The following NIPBL variants were observed in gnomAD, a reference collection of about 807,000 sequenced individuals.
NIPBL encodes the protein nipped-B-like protein.
In NIPBL, 19 loss-of-function variants were observed where a neutral mutation model predicts 321.8. That is an observed-to-expected ratio of 0.06 (90% CI 0.04 to 0.09). The LOEUF (loss-of-function observed/expected upper bound fraction) is 0.09, where lower values mean the gene tolerates loss of function less well. Among genes scored for constraint, NIPBL ranks in the 10% least tolerant of loss-of-function variants. The probability of loss-of-function intolerance (pLI) is 1.00; values close to 1 mark genes in which losing one functional copy is unlikely to be tolerated. For synonymous variants in NIPBL, 1,106 were observed against 1,114.1 expected, an observed-to-expected ratio of 0.99 and a Z score of 0.14; for missense variants, 2,210 against 3,327.0, an observed-to-expected ratio of 0.66 and a Z score of 8.26.
At chr5:37,027,603 GT>G (rs781358128) in intron 32 of NIPBL, among the ~76,000 whole-genome samples, 191 bp downstream of exon 32, 2,741 of 69,628 alleles carry the variant, frequency 0.039, 18 homozygotes, top group African/African-American at 0.13. Flanking sequence ...CCTGGTTGTG[GT>G]TTTTTTTTTT....
intron 45 of NIPBL, among the ~76,000 whole-genome samples, chr5:37,061,753 T>C (rs1343867489): frequency 1.3e-5 from 2 of 152,258 alleles, no homozygotes; most frequent in African/African-American, 2.4e-5. Context: ...AAGTCATTTC[T>C]AGATTACTTA....
chr5:36,889,841 T>C (rs962314994), intron 1 of NIPBL, among the ~76,000 whole-genome samples: 1 of 152,104 alleles, frequency 6.6e-6, no homozygotes, highest in Non-Finnish European at 1.5e-5. Flanking sequence ...CTGTGGAATT[T>C]AGAACTTAAA....
chr5:36,877,274 T>G, intron 1 of NIPBL, 96 bp downstream of exon 1: 1 of 159,450 alleles, frequency 6.3e-6, no homozygotes, highest in Non-Finnish European at 1.4e-5. Flanking sequence ...GCCGTTTCCT[T>G]AGCGGCCCCA....
At chr5:37,046,525 T>C (rs1752997831) in intron 38 of NIPBL, among the ~76,000 whole-genome samples, 1 of 152,240 alleles carries the variant, frequency 6.6e-6, no homozygotes, top group Admixed American at 6.5e-5. Flanking sequence ...AAAAATAATA[T>C]AGAAGAATTC....
chr5:36,977,599 T>G (rs147180956), intron 9 of NIPBL, among the ~76,000 whole-genome samples: 2,070 of 151,230 alleles, frequency 0.014, 52 homozygotes, highest in Admixed American at 0.059. Flanking sequence ...TTTTTTTCTT[T>G]GTCTTTTTTT....
chr5:37,044,419 C>G lies in NIPBL; in HGVS notation c.6181C>G (p.Pro2061Ala), dbSNP rs772003089. 1 of 1,613,858 alleles carries G rather than the reference C, an allele frequency of 6.2e-7. No homozygotes were observed. The highest frequency in any genetic ancestry group is 2.2e-5 in the East Asian group (1 of 44,834). ...LELVVPLMEH[P>A]SETFLATIEE... ...GCTAGTTGTACCACTGATGGAGCAT[C>G]CAAGTGAAACTTTTCTTGCCACTAT... is the stretch of plus-strand genomic sequence containing the variant. Residue 2061 changes from proline (P) to alanine (A), a missense_variant, in exon 35 of 47, where the codon CCA (proline) becomes GCA (alanine). Physicochemically the swap from Pro to Ala is conservative, Grantham distance 27. Coordinates refer to ENST00000282516, the MANE Select transcript of NIPBL (RefSeq NM_133433.4).
At chr5:36,936,226 A>G (rs1442979308) in intron 1 of NIPBL, among the ~76,000 whole-genome samples, 1 of 152,186 alleles carries the variant, frequency 6.6e-6, no homozygotes, top group African/African-American at 2.4e-5. Context: ...TTTTCATCCA[A>G]TAATCATAAT....
intron 40 of NIPBL, chr5:37,051,415 A>C (rs1413888886): frequency 4.5e-6 from 1 of 224,714 alleles, no homozygotes; most frequent in Non-Finnish European, 8.7e-6. Flanking sequence ...GCCCTATATT[A>C]TCTTTACAAG....
intron 1 of NIPBL, among the ~76,000 whole-genome samples, chr5:36,904,751 T>C (rs1377718013): frequency 6.6e-6 from 1 of 152,176 alleles, no homozygotes; most frequent in Non-Finnish European, 1.5e-5. Flanking sequence ...AGCTGTTGGC[T>C]GGATACCTCA....
At chr5:36,890,126 A>C (rs1298686911) in intron 1 of NIPBL, among the ~76,000 whole-genome samples, 9 of 152,144 alleles carry the variant, frequency 5.9e-5, no homozygotes, top group Admixed American at 5.9e-4. Flanking sequence ...ATAATTCTTT[A>C]AAATGTTGCC....
intron 1 of NIPBL, among the ~76,000 whole-genome samples, chr5:36,917,765 A>G (rs1748587241): frequency 1.3e-5 from 2 of 152,190 alleles, no homozygotes; most frequent in South Asian, 4.1e-4. Flanking sequence ...TCCCAGCACC[A>G]TTTATTAAAT....
In NIPBL at chr5:37,048,659, G is replaced by A. The variant is rs200322289; in HGVS notation, c.6747G>A (p.Gln2249=). Residue 2249 remains glutamine, a synonymous_variant, in exon 39 of 47, where the codon CAG becomes CAA. Coordinates refer to ENST00000282516, the MANE Select transcript of NIPBL (RefSeq NM_133433.4). ...TACAAGAAGAAGATACACGTATGCA[G>A]CAGGCAGATAGAGACTGTAAGTGAA... is the stretch of plus-strand genomic sequence containing the variant. ...TYLQEEDTRM[Q]QADRDWKKVA... The A allele has an allele frequency of 2.5e-6, 4 of 1,609,548 alleles. No homozygotes were observed. The highest frequency in any genetic ancestry group is 3.3e-5 in the Admixed American group (2 of 59,950).
Position 36,876,882 on chromosome 5 carries a change from G to A in NIPBL, c.-376G>A. 8.0e-6 allele frequency: 1 copy of A among 124,636 alleles called. No individual in the cohort carries two copies. Among genetic ancestry groups the A allele is most frequent in the Non-Finnish European group, 1.5e-5 (1 of 66,230 alleles). The allele number at this position is 124,636 out of a possible 1,614,324, so 7.7% of individuals were successfully genotyped here. A position where few individuals can be genotyped will look rare whatever the true frequency, so the allele number is the denominator to read the frequency against. ...CCGACTCACCCGACACCACCAAGCC[G>A]CAGGGAGGGACGCCCCCGCCGACAG... On this transcript the variant is annotated 5_prime_UTR_variant, in exon 1 of 47. Transcript: ENST00000282516.
At chr5:36,991,882 T>G (rs1177616748) in intron 10 of NIPBL, among the ~76,000 whole-genome samples, 1 of 152,094 alleles carries the variant, frequency 6.6e-6, no homozygotes, top group Non-Finnish European at 1.5e-5. Flanking sequence ...TTACGTGATT[T>G]ATTTCTATCT....
intron 44 of NIPBL, among the ~76,000 whole-genome samples, chr5:37,059,516 TAATA>T (rs1754446135): frequency 1.3e-5 from 2 of 152,090 alleles, no homozygotes; most frequent in East Asian, 1.9e-4. Context: ...AAAAAAATAA[TAATA>T]AATATGAAAC....
rs925380967 is a variant in NIPBL, at chr5:36,948,905, C to T, written c.-79-4713C>T. ...TCACATGGTGTAGTATACTGACTAA[C>T]AGTCTTTTAAACTGGATGTTTCAAT... On this transcript the variant is annotated intron_variant, in intron 1 of 46. Transcript: ENST00000282516. Among the ~76,000 whole-genome samples, 67 of 151,802 alleles carry T rather than the reference C, an allele frequency of 4.4e-4. 1 individual carries two copies. Among genetic ancestry groups the T allele is most frequent in the Admixed American group, 3.3e-3 (50 of 15,236 alleles).
chr5:36,971,867 C>G, intron 7 of NIPBL, 78 bp from the exon 8 acceptor site: 1 of 1,526,458 alleles, frequency 6.6e-7, no homozygotes, highest in Non-Finnish European at 9.0e-7. Flanking sequence ...TAATTTATGT[C>G]TCTTATTGGT....
At chr5:37,038,411 G>A (rs905194440) in intron 33 of NIPBL, among the ~76,000 whole-genome samples, 191 bp from the exon 34 acceptor site, 1 of 96,190 alleles carries the variant, frequency 1.0e-5, no homozygotes, top group African/African-American at 7.8e-5. Context: ...TCTTTATCTT[G>A]AGTATTATTT....
chr5:36,949,559 A>G (rs889073700), intron 1 of NIPBL, among the ~76,000 whole-genome samples: 9 of 151,876 alleles, frequency 5.9e-5, no homozygotes, highest in Admixed American at 1.3e-4. Flanking sequence ...TACCATTTCT[A>G]TTTTTTAATC....
Sources: gnomAD v4.1 joint callset for allele counts (sites outside exome capture counted in the v4.1 genomes callset) on GRCh38, gnomAD v4.1.1 for gene constraint, MANE v1.5 for transcripts, NCBI Gene and HGNC (gene_info 2026-07-23, HGNC 2026-07-21) for gene names.